TBXAS1: variants seen among roughly 807,000 people sequenced by gnomAD.
TBXAS1 encodes the protein thromboxane-A synthase.
TBXAS1 carries 48 observed loss-of-function variants against 60.7 expected under a neutral mutation model. The ratio of observed to expected loss-of-function variants is 0.79; its 90% confidence interval spans 0.63 to 1.01. The LOEUF (loss-of-function observed/expected upper bound fraction) is 1.01, where lower values mean the gene tolerates loss of function less well. Among genes scored for constraint, TBXAS1 ranks in the 50% least tolerant of loss-of-function variants. The pLI is 0.00. For missense variants in TBXAS1, 685 were observed against 686.3 expected (o/e 1.00, Z 0.02); for synonymous variants, 287 against 269.7 (o/e 1.06, Z -0.63).
intron 4 of TBXAS1, among the ~76,000 whole-genome samples, chr7:139,935,921 T>C (rs1807722884): frequency 1.3e-5 from 2 of 152,312 alleles, no homozygotes; most frequent in Admixed American, 6.5e-5. Context: ...ACAGAAGCCA[T>C]TGAGTTGTCT....
intron 3 of TBXAS1, among the ~76,000 whole-genome samples, chr7:139,784,276 C>CT (rs1172273387): frequency 6.8e-6 from 1 of 146,686 alleles, no homozygotes; most frequent in South Asian, 2.2e-4. Context: ...TTCTTCCTTT[C>CT]TTTTTTTCCT....
At chr7:139,952,185 A>G (rs1304468436) in intron 5 of TBXAS1, among the ~76,000 whole-genome samples, 1 of 152,224 alleles carries the variant, frequency 6.6e-6, no homozygotes, top group African/African-American at 2.4e-5. Context: ...CCTCAGTACA[A>G]CAACATACCT....
intron 5 of TBXAS1, among the ~76,000 whole-genome samples, chr7:139,951,799 GAAAAAGAAACA>G (rs201062846): frequency 3.5e-4 from 2 of 5,712 alleles, no homozygotes; most frequent in African/African-American, 6.3e-4. Context: ...AAGAAAGAAA[GAAAAAGAAACA>G]AAGAAGAAGG....
intron 5 of TBXAS1, among the ~76,000 whole-genome samples, chr7:139,939,620 G>A (rs1168701265): frequency 2.0e-5 from 3 of 151,916 alleles, no homozygotes; most frequent in Non-Finnish European, 2.9e-5. Context: ...GGCCCCTAAG[G>A]AGACCCTTCA....
chr7:140,005,430 A>G (rs773660600), intron 9 of TBXAS1, among the ~76,000 whole-genome samples: 2 of 135,796 alleles, frequency 1.5e-5, no homozygotes, highest in Non-Finnish European at 3.1e-5. Context: ...CTCTGTCTCA[A>G]AAAAAAAATA....
intron 1 of TBXAS1, among the ~76,000 whole-genome samples, chr7:139,844,571 C>T (rs187958953): frequency 5.3e-4 from 80 of 152,246 alleles, no homozygotes; most frequent in Admixed American, 1.8e-3. Flanking sequence ...ACCACCATCG[C>T]GTTGTCAATA....
chr7:139,994,034 C>T (rs1299787477), intron 9 of TBXAS1, among the ~76,000 whole-genome samples: 1 of 151,738 alleles, frequency 6.6e-6, no homozygotes, highest in Admixed American at 6.6e-5. Flanking sequence ...CAGGTGTGCA[C>T]AACCATGCCC....
At chr7:139,794,095 T>C (rs1404979440) in intron 4 of TBXAS1, among the ~76,000 whole-genome samples, 1 of 144,734 alleles carries the variant, frequency 6.9e-6, no homozygotes, top group Non-Finnish European at 1.5e-5. Flanking sequence ...AGACACTTTC[T>C]TTTTTTTTTT....
At chr7:139,827,949 C>G (rs1798490477), upstream of TBXAS1, among the ~76,000 whole-genome samples, 1 of 152,178 alleles carries the variant, frequency 6.6e-6, no homozygotes, top group Non-Finnish European at 1.5e-5. Context: ...AACCTGATGA[C>G]AATGTGCTGA....
At chr7:139,784,485 T>C (rs1478052196) in intron 3 of TBXAS1, among the ~76,000 whole-genome samples, 1 of 152,120 alleles carries the variant, frequency 6.6e-6, no homozygotes, top group Non-Finnish European at 1.5e-5. Flanking sequence ...CAAAAGATAG[T>C]ACAGAGGGAC....
chr7:139,978,543 G>GA (rs1811724290), intron 9 of TBXAS1, among the ~76,000 whole-genome samples: 1 of 151,702 alleles, frequency 6.6e-6, no homozygotes, highest in African/African-American at 2.4e-5. Flanking sequence ...AAATAAAGAA[G>GA]AATAATAAGA....
In TBXAS1 at chr7:139,922,821, A is replaced by AT. The variant is rs573871622; in HGVS notation, c.333+11508dup. Among the ~76,000 whole-genome samples, 342 of 152,074 alleles carry AT rather than the reference A, an allele frequency of 2.2e-3. 2 individuals are homozygous for AT. Among genetic ancestry groups the AT allele is most frequent in the African/African-American group, 7.9e-3 (327 of 41,454 alleles). ...TAGAGTGAAGTATGGATCAAAGCTG[A>AT]TTTTTTTTCTCTGTATTAATATCCA... On this transcript the variant is annotated intron_variant, in intron 4 of 12. Transcript: ENST00000448866.
chr7:139,940,249 G>A (rs1808181355), intron 5 of TBXAS1, among the ~76,000 whole-genome samples: 1 of 152,128 alleles, frequency 6.6e-6, no homozygotes, highest in Non-Finnish European at 1.5e-5. Context: ...TGTGGAAGAT[G>A]GGTGGAGGGG....
At chr7:139,883,832 C>T (rs1347502399) in intron 3 of TBXAS1, among the ~76,000 whole-genome samples, 2 of 152,146 alleles carry the variant, frequency 1.3e-5, no homozygotes, top group Non-Finnish European at 2.9e-5. Flanking sequence ...CAGAAGAACA[C>T]CTTATTCACA....
At chr7:139,944,200 C>T (rs1808511059) in intron 5 of TBXAS1, among the ~76,000 whole-genome samples, 2 of 152,064 alleles carry the variant, frequency 1.3e-5, no homozygotes, top group African/African-American at 2.4e-5. Context: ...GTGAGTAGCA[C>T]CGGAATTGAG....
intron 9 of TBXAS1, among the ~76,000 whole-genome samples, chr7:139,994,996 A>C (rs1216762774): frequency 6.6e-6 from 1 of 152,230 alleles, no homozygotes; most frequent in Non-Finnish European, 1.5e-5. Context: ...TGCTGCTAGA[A>C]TGGTGAGCAG....
At chr7:139,831,255 G>A (rs976525937) in intron 1 of TBXAS1, among the ~76,000 whole-genome samples, 8 of 152,160 alleles carry the variant, frequency 5.3e-5, no homozygotes, top group Non-Finnish European at 1.0e-4. Flanking sequence ...AGCAGAGGCA[G>A]CAGGAGAGAG....
chr7:139,971,945 C>T (rs1255401015), intron 9 of TBXAS1, among the ~76,000 whole-genome samples: 1 of 152,198 alleles, frequency 6.6e-6, no homozygotes, highest in Admixed American at 6.5e-5. Flanking sequence ...TCCTGACCCA[C>T]TGCCCCCTGG....
intron 3 of TBXAS1, among the ~76,000 whole-genome samples, chr7:139,886,454 C>T (rs962167971): frequency 7.4e-6 from 1 of 134,362 alleles, no homozygotes; most frequent in Non-Finnish European, 1.5e-5. Flanking sequence ...TGCCCGGAAT[C>T]TATGGCTGGT....
Sources: gnomAD v4.1 joint callset for allele counts (sites outside exome capture counted in the v4.1 genomes callset) on GRCh38, gnomAD v4.1.1 for gene constraint, MANE v1.5 for transcripts, NCBI Gene and HGNC (gene_info 2026-07-23, HGNC 2026-07-21) for gene names.